Variants in OTUD7A observed in about 807,000 individuals in gnomAD.
OTUD7A encodes OTU domain-containing protein 7A.
OTUD7A carries 12 observed loss-of-function variants against 65.7 expected under a neutral mutation model. That is an observed-to-expected ratio of 0.18 (90% CI 0.12 to 0.30). OTUD7A has a LOEUF of 0.30. OTUD7A is among the 10% of genes least tolerant of loss of function. The pLI, the probability that OTUD7A is intolerant of heterozygous loss-of-function variation, is 1.00. For missense variants in OTUD7A, 1,148 were observed against 1,304.8 expected (o/e 0.88, Z 1.85); for synonymous variants, 641 against 586.3 (o/e 1.09, Z -1.35).
chr15:31,549,787 A>AACTTC (rs1888259219), intron 5 of OTUD7A, among the ~76,000 whole-genome samples: 1 of 152,144 alleles, frequency 6.6e-6, no homozygotes, highest in African/African-American at 2.4e-5. Flanking sequence ...AGCAGTAAAC[A>AACTTC]ACTTCACTGC....
chr15:31,868,193 C>A (rs2141024517), intron 1 of OTUD7A, among the ~76,000 whole-genome samples: 1 of 152,298 alleles, frequency 6.6e-6, no homozygotes, highest in South Asian at 2.1e-4. Context: ...TGACAACTCC[C>A]AAATTTAAGC....
Position 31,479,248 on chromosome 15 carries a change from G to A in OTUD7A, c.*4046C>T, listed in dbSNP as rs527609476. The A allele has an allele frequency of 6.6e-6, 1 of 152,370 alleles. No individual in the cohort carries two copies. The highest frequency in any genetic ancestry group is 1.9e-4 in the East Asian group (1 of 5,182). The allele number at this position is 152,370 out of a possible 1,614,324, so 9.4% of individuals were successfully genotyped here. A position where few individuals can be genotyped will look rare whatever the true frequency, so the allele number is the denominator to read the frequency against. On this transcript the variant is annotated 3_prime_UTR_variant, in exon 13 of 13. Coordinates refer to ENST00000307050, the MANE Select transcript of OTUD7A (RefSeq NM_001382637.1). ...GCAGGGGCCGCCTCTGCAGCCCAGC[G>A]AGGATGAAGCCAGGGCTGGTAAGGT... is the stretch of plus-strand genomic sequence containing the variant.
At chr15:31,645,407 G>A (rs144523133) in intron 3 of OTUD7A, among the ~76,000 whole-genome samples, 226 of 152,174 alleles carry the variant, frequency 1.5e-3, no homozygotes, top group African/African-American at 5.0e-3. Context: ...GGAAACATTC[G>A]TACATCACTT....
At chr15:31,664,764 T>G (rs1395845811) in intron 1 of OTUD7A, among the ~76,000 whole-genome samples, 1 of 152,254 alleles carries the variant, frequency 6.6e-6, no homozygotes, top group Non-Finnish European at 1.5e-5. Context: ...TTTCCAATGT[T>G]ATCTTCTAGA....
chr15:31,562,184 G>C (rs930133211), intron 4 of OTUD7A, among the ~76,000 whole-genome samples: 3 of 152,064 alleles, frequency 2.0e-5, no homozygotes, highest in African/African-American at 7.2e-5. Flanking sequence ...TCCCTGACTG[G>C]GGAGAGGCTG....
chr15:31,549,749 C>T (rs1321271409), intron 5 of OTUD7A, among the ~76,000 whole-genome samples: 3 of 152,122 alleles, frequency 2.0e-5, no homozygotes, highest in African/African-American at 7.2e-5. Context: ...CAGTAAACAA[C>T]TGCCATGCCA....
chr15:31,564,613 T>C (rs960140925), intron 4 of OTUD7A, among the ~76,000 whole-genome samples: 7 of 152,034 alleles, frequency 4.6e-5, no homozygotes, highest in African/African-American at 1.7e-4. Flanking sequence ...ATGATTTTAA[T>C]AGAATAGCAG....
intron 8 of OTUD7A, among the ~76,000 whole-genome samples, chr15:31,507,197 G>A (rs1055891526): frequency 6.6e-6 from 1 of 152,040 alleles, no homozygotes; most frequent in Admixed American, 6.5e-5. Context: ...AAATATTTAG[G>A]GTTTTTAAAA....
intron 5 of OTUD7A, among the ~76,000 whole-genome samples, chr15:31,545,255 T>C (rs1343829274): frequency 6.6e-6 from 1 of 152,072 alleles, no homozygotes; most frequent in Non-Finnish European, 1.5e-5. Flanking sequence ...TATGGGAAAA[T>C]GGACTTTCAT....
At chr15:31,593,846 G>T (rs539410661) in intron 3 of OTUD7A, among the ~76,000 whole-genome samples, 1 of 152,094 alleles carries the variant, frequency 6.6e-6, no homozygotes, top group African/African-American at 2.4e-5. Flanking sequence ...CCATTCCCCC[G>T]ATGTGTAAGC....
Position 31,748,328 on chromosome 15 carries a change from T to C in OTUD7A, c.-99-91251A>G, listed in dbSNP as rs573534441. Among the ~76,000 whole-genome samples, 4 of 151,672 alleles carry C rather than the reference T, an allele frequency of 2.6e-5. No individual in the cohort carries two copies. The East Asian group carries it at 5.8e-4, about 22-fold the overall frequency. ...TCAGAAAAAAAACTCCACGATGATATACACACACACACATATAAATATATA... is the reference window on the plus strand; with the variant it reads ...TCAGAAAAAAAACTCCACGATGATACACACACACACACATATAAATATATA... On this transcript the variant is annotated intron_variant, in intron 1 of 12. Transcript: ENST00000307050.
intron 1 of OTUD7A, among the ~76,000 whole-genome samples, chr15:31,725,047 T>G (rs1336314042): frequency 6.6e-6 from 1 of 152,174 alleles, no homozygotes; most frequent in Non-Finnish European, 1.5e-5. Context: ...GAGCCTCATG[T>G]AGCAGAGACC....
At chr15:31,624,286 C>A (rs969307378) in intron 3 of OTUD7A, among the ~76,000 whole-genome samples, 1 of 152,164 alleles carries the variant, frequency 6.6e-6, no homozygotes, top group African/African-American at 2.4e-5. Context: ...TGATTATAAT[C>A]AGCAAAATAA....
intron 3 of OTUD7A, among the ~76,000 whole-genome samples, chr15:31,604,828 CT>C (rs1890191082): frequency 6.6e-6 from 1 of 152,154 alleles, no homozygotes; most frequent in African/African-American, 2.4e-5. Context: ...GTGCTCAGGG[CT>C]TGTGGCAAAG....
At chr15:31,504,128 G>A (rs959940204) in intron 8 of OTUD7A, among the ~76,000 whole-genome samples, 1 of 152,228 alleles carries the variant, frequency 6.6e-6, no homozygotes, top group Non-Finnish European at 1.5e-5. Context: ...AGAGCCTGTG[G>A]TAGCAGGGCT....
intron 1 of OTUD7A, among the ~76,000 whole-genome samples, chr15:31,684,573 T>A (rs967664561): frequency 8.0e-5 from 12 of 149,972 alleles, no homozygotes; most frequent in Non-Finnish European, 1.3e-4. Context: ...CTTCCAAGCT[T>A]ACTCATGTGA....
At chr15:31,814,313 T>C (rs926576986) in intron 1 of OTUD7A, among the ~76,000 whole-genome samples, 3 of 152,142 alleles carry the variant, frequency 2.0e-5, no homozygotes, top group Non-Finnish European at 4.4e-5. Context: ...GGCAGAATCA[T>C]CCCCTAGGCC....
chr15:31,607,266 G>A (rs543537749), intron 3 of OTUD7A, among the ~76,000 whole-genome samples: 1 of 152,168 alleles, frequency 6.6e-6, no homozygotes, highest in East Asian at 1.9e-4. Context: ...ATAGAAACTA[G>A]TACTCAGGGC....
intron 8 of OTUD7A, among the ~76,000 whole-genome samples, chr15:31,517,982 C>A (rs2041883036): frequency 6.6e-6 from 1 of 152,124 alleles, no homozygotes. Flanking sequence ...GATGAAGCCT[C>A]CCAGGTCCCT....
Sources: allele counts gnomAD v4.1 joint callset (sites outside exome capture counted in the v4.1 genomes callset), GRCh38; gene constraint gnomAD v4.1.1; transcripts MANE v1.5; gene names NCBI Gene and HGNC (gene_info 2026-07-23, HGNC 2026-07-21).